Variants in KCNIP1 observed in about 807,000 individuals in gnomAD.
KCNIP1 encodes the protein A-type potassium channel modulatory protein KCNIP1.
A neutral mutation model predicts 33.0 loss-of-function variants in KCNIP1; 18 were observed. The observed-to-expected ratio is 0.55, with a 90% CI of 0.38 to 0.81. KCNIP1 has a LOEUF of 0.81. KCNIP1 is among the 30% of genes least tolerant of loss of function. KCNIP1 has a pLI of 0.00. For missense variants in KCNIP1, 238 were observed against 271.6 expected (o/e 0.88, Z 0.87); for synonymous variants, 93 against 98.3 (o/e 0.95, Z 0.32).
At chr5:170,682,055 T>C (rs993742260) in intron 1 of KCNIP1, among the ~76,000 whole-genome samples, 1 of 152,216 alleles carries the variant, frequency 6.6e-6, no homozygotes, top group African/African-American at 2.4e-5. Flanking sequence ...AGAATTTCTC[T>C]TCCAAGGGGC....
intron 1 of KCNIP1, among the ~76,000 whole-genome samples, chr5:170,690,760 G>T (rs1417860541): frequency 4.6e-5 from 7 of 152,208 alleles, no homozygotes; most frequent in African/African-American, 1.7e-4. Flanking sequence ...TACATCAGTT[G>T]TTTCCAGATG....
chr5:170,568,878 G>A (rs11134637), intron 1 of KCNIP1, among the ~76,000 whole-genome samples: 54,777 of 151,814 alleles, frequency 0.36, 10,614 homozygotes, highest in Admixed American at 0.44. Context: ...TGAAATTCTG[G>A]TTCTGGCCCT....
At chr5:170,564,475 C>T (rs1020551021) in intron 1 of KCNIP1, among the ~76,000 whole-genome samples, 3 of 152,190 alleles carry the variant, frequency 2.0e-5, no homozygotes, top group African/African-American at 4.8e-5. Context: ...AGGCACTGAC[C>T]GTGGCATTGC....
At chr5:170,629,908 T>C (rs570986842) in intron 1 of KCNIP1, among the ~76,000 whole-genome samples, 5 of 152,230 alleles carry the variant, frequency 3.3e-5, no homozygotes, top group Non-Finnish European at 7.3e-5. Flanking sequence ...ATCCAGCCCA[T>C]CCTAAGGCAG....
chr5:170,535,950 A>T (rs777495957), intron 1 of KCNIP1, among the ~76,000 whole-genome samples: 2 of 152,180 alleles, frequency 1.3e-5, no homozygotes, highest in African/African-American at 2.4e-5. Flanking sequence ...CAGTGTGGAG[A>T]TGCAGCTCAG....
At chr5:170,621,498 ACTC>A (rs1412366624) in intron 1 of KCNIP1, among the ~76,000 whole-genome samples, 1 of 151,722 alleles carries the variant, frequency 6.6e-6, no homozygotes, top group African/African-American at 2.4e-5. Context: ...GGTCAGTCAT[ACTC>A]CTCTTTATTA....
chr5:170,488,733 C>T (rs2113193941), intron 1 of KCNIP1, among the ~76,000 whole-genome samples: 1 of 152,222 alleles, frequency 6.6e-6, no homozygotes, highest in African/African-American at 2.4e-5. Context: ...ATGAGCGAAG[C>T]CAAGAGCAAG....
intron 1 of KCNIP1, among the ~76,000 whole-genome samples, chr5:170,511,672 TA>T (rs1430587064): frequency 6.6e-6 from 1 of 152,240 alleles, no homozygotes; most frequent in Non-Finnish European, 1.5e-5. Flanking sequence ...TGTGTTATTT[TA>T]TTAACCCCAA....
At chr5:170,539,740 C>T (rs1435049431) in intron 1 of KCNIP1, among the ~76,000 whole-genome samples, 2 of 152,056 alleles carry the variant, frequency 1.3e-5, no homozygotes, top group Non-Finnish European at 2.9e-5. Context: ...AGAACTCAGG[C>T]CTGGTACAGG....
intron 1 of KCNIP1, among the ~76,000 whole-genome samples, chr5:170,564,729 T>C (rs1757147453): frequency 6.6e-6 from 1 of 152,226 alleles, no homozygotes; most frequent in Non-Finnish European, 1.5e-5. Context: ...ATGTGGTTTG[T>C]CAATTTTTTT....
chr5:170,426,652 T>C (rs1347496293), intron 1 of KCNIP1, among the ~76,000 whole-genome samples: 1 of 152,256 alleles, frequency 6.6e-6, no homozygotes, highest in East Asian at 1.9e-4. Flanking sequence ...ACACAGTGCC[T>C]GAGCTTGCAG....
At chr5:170,573,501 AT>A (rs1285176269) in intron 1 of KCNIP1, among the ~76,000 whole-genome samples, 1 of 152,044 alleles carries the variant, frequency 6.6e-6, no homozygotes, top group Non-Finnish European at 1.5e-5. Context: ...TCAATTTACT[AT>A]TTTAGGTTGT....
At chr5:170,639,032 C>T (rs1386460626) in intron 1 of KCNIP1, 2 of 152,292 alleles carry the variant, frequency 1.3e-5, no homozygotes, top group Non-Finnish European at 2.9e-5. Flanking sequence ...GGCGGAACAC[C>T]TCTGCCGCAC....
At chr5:170,561,976 T>C (rs74517910) in intron 1 of KCNIP1, among the ~76,000 whole-genome samples, 1,568 of 152,312 alleles carry the variant, frequency 0.01, 31 homozygotes, top group African/African-American at 0.036. Flanking sequence ...CCATTCTAAG[T>C]CCAGATGCTC....
chr5:170,702,690 C>T (rs532655904), intron 1 of KCNIP1, among the ~76,000 whole-genome samples: 1 of 152,132 alleles, frequency 6.6e-6, no homozygotes, highest in Admixed American at 6.5e-5. Context: ...TAGGGTGGTC[C>T]CTTGAGGTTC....
At chr5:170,595,790 A>G (rs1427751671) in intron 1 of KCNIP1, among the ~76,000 whole-genome samples, 3 of 151,994 alleles carry the variant, frequency 2.0e-5, no homozygotes, top group South Asian at 2.1e-4. Flanking sequence ...TGAACCCAAG[A>G]CTCTAACTCC....
intron 1 of KCNIP1, among the ~76,000 whole-genome samples, chr5:170,619,048 T>G (rs1759508745): frequency 1.3e-5 from 2 of 148,312 alleles, no homozygotes; most frequent in South Asian, 4.1e-4. Context: ...GCCTAGCACA[T>G]GGTAAGTGTT....
intron 1 of KCNIP1, among the ~76,000 whole-genome samples, chr5:170,407,972 C>T (rs754878898): frequency 5.4e-5 from 8 of 149,098 alleles, no homozygotes; most frequent in Non-Finnish European, 1.1e-4. Context: ...TGCTGTGTGA[C>T]TTAAGTCAAA....
chr5:170,620,780 G>A (rs546461462), intron 1 of KCNIP1, among the ~76,000 whole-genome samples: 4 of 152,168 alleles, frequency 2.6e-5, no homozygotes, highest in South Asian at 4.2e-4. Flanking sequence ...TTTGTGAGCC[G>A]ATTTAGGAGA....
Sources: allele counts gnomAD v4.1 joint callset (sites outside exome capture counted in the v4.1 genomes callset), GRCh38; gene constraint gnomAD v4.1.1; transcripts MANE v1.5; gene names NCBI Gene and HGNC (gene_info 2026-07-23, HGNC 2026-07-21).